CRPPA: variants seen among roughly 807,000 people sequenced by gnomAD.
CRPPA encodes the protein CDP-L-ribitol pyrophosphorylase A.
In CRPPA, 43 loss-of-function variants were observed where a neutral mutation model predicts 52.0. That is an observed-to-expected ratio of 0.83 (90% CI 0.65 to 1.07). The LOEUF (loss-of-function observed/expected upper bound fraction) is 1.07. Among genes scored for constraint, CRPPA ranks in the 50% least tolerant of loss-of-function variants. CRPPA has a pLI of 0.00. For synonymous variants in CRPPA, 250 were observed against 203.5 expected (o/e 1.23, Z -1.94); for missense variants, 629 against 551.7 (o/e 1.14, Z -1.40).
intron 9 of CRPPA, among the ~76,000 whole-genome samples, chr7:16,165,574 A>G (rs1781042169): frequency 6.6e-6 from 1 of 152,252 alleles, no homozygotes; most frequent in South Asian, 2.1e-4. Context: ...ACCACACATG[A>G]GGAGAAGTCA....
At position 16,091,663 on chromosome 7, in the gene CRPPA, T is replaced by A; in HGVS notation, c.*32A>T. ...AGCACAATTAAGATACGCAAATAGA[T>A]GTTTTAGAAAATAGGTAATTTTTTG... On this transcript the variant is annotated 3_prime_UTR_variant, in exon 10 of 10. Transcript: ENST00000407010. 8.2e-7 allele frequency: 1 copy of A among 1,213,370 alleles called. No homozygotes were observed. The highest frequency in any genetic ancestry group is 1.3e-5 in the South Asian group (1 of 74,552). The allele number at this position is 1,213,370 out of a possible 1,614,324, so 75.2% of individuals were successfully genotyped here. A position where few individuals can be genotyped will look rare whatever the true frequency, so the allele number is the denominator to read the frequency against.
rs1335227895 is a variant in CRPPA, at chr7:16,188,041, A to C, written c.1251+28025T>G. Among the ~76,000 whole-genome samples the C allele has an allele frequency of 2.4e-5, 3 of 126,726 alleles. No individual in the cohort carries two copies. In the Admixed American group the frequency reaches 3.1e-4, roughly 13 times the overall value. 83.1% of individuals were successfully genotyped at this position (126,726 alleles called of 152,430 possible). On this transcript the variant is annotated intron_variant, in intron 9 of 9. Coordinates refer to ENST00000407010, the MANE Select transcript of CRPPA (RefSeq NM_001101426.4). ...AGGACAGTTTGTATGAATTTGGGTG[A>C]ATTTTTTTTTTTTTTTTTTTTTTGA...
At chr7:16,379,602 T>G (rs941084703) in intron 2 of CRPPA, among the ~76,000 whole-genome samples, 12 of 152,238 alleles carry the variant, frequency 7.9e-5, no homozygotes, top group African/African-American at 2.9e-4. Context: ...TTTCACAATA[T>G]TGATTCCTCC....
chr7:16,332,061 A>C (rs1329761772), intron 3 of CRPPA, among the ~76,000 whole-genome samples: 1 of 152,162 alleles, frequency 6.6e-6, no homozygotes. Flanking sequence ...GAAAATCAGA[A>C]AGAAGCCAGG....
At chr7:16,361,481 G>C (rs1786440740) in intron 3 of CRPPA, among the ~76,000 whole-genome samples, 1 of 152,166 alleles carries the variant, frequency 6.6e-6, no homozygotes, top group Non-Finnish European at 1.5e-5. Flanking sequence ...TAACAGATGA[G>C]TGGATAAACA....
chr7:16,370,275 T>G (rs1786714651), intron 3 of CRPPA, among the ~76,000 whole-genome samples: 1 of 152,096 alleles, frequency 6.6e-6, no homozygotes, highest in Non-Finnish European at 1.5e-5. Context: ...AGGATCTGGG[T>G]GCCCAGCCTT....
intron 8 of CRPPA, among the ~76,000 whole-genome samples, chr7:16,254,789 GAAGGAAAGAAA>G (rs1783573617): frequency 2.7e-4 from 32 of 119,504 alleles, no homozygotes; most frequent in South Asian, 8.5e-4. Context: ...AAGAAAGAAA[GAAGGAAAGAAA>G]GAAAGAAAGA....
intron 2 of CRPPA, among the ~76,000 whole-genome samples, chr7:16,386,948 A>G (rs1787284961): frequency 1.3e-5 from 2 of 151,452 alleles, no homozygotes; most frequent in Non-Finnish European, 1.5e-5. Context: ...TGAACCCAGG[A>G]AGCAGAGGTT....
chr7:16,197,866 C>T (rs931850932), intron 9 of CRPPA, among the ~76,000 whole-genome samples: 2 of 150,110 alleles, frequency 1.3e-5, no homozygotes, highest in African/African-American at 4.9e-5. Context: ...CAACCCCGTG[C>T]TCTCTGAAAT....
intron 3 of CRPPA, among the ~76,000 whole-genome samples, chr7:16,362,256 C>A (rs914527341): frequency 6.6e-6 from 1 of 152,208 alleles, no homozygotes. Context: ...ATTCTCACAG[C>A]GTGGAGGCTG....
intron 9 of CRPPA, among the ~76,000 whole-genome samples, chr7:16,180,279 T>G (rs950807852): frequency 6.6e-6 from 1 of 152,054 alleles, no homozygotes; most frequent in African/African-American, 2.4e-5. Flanking sequence ...TTGGTAATGC[T>G]AATATACAGA....
chr7:16,299,901 G>A (rs748429511), intron 5 of CRPPA, among the ~76,000 whole-genome samples: 13 of 151,912 alleles, frequency 8.6e-5, no homozygotes, highest in Non-Finnish European at 1.6e-4. Flanking sequence ...TTCCTCAGTC[G>A]AACTACCAAT....
intron 3 of CRPPA, among the ~76,000 whole-genome samples, chr7:16,319,613 AG>A (rs1785214786): frequency 6.6e-6 from 1 of 152,168 alleles, no homozygotes; most frequent in Non-Finnish European, 1.5e-5. Context: ...TACACTGGAC[AG>A]ACTGCCCAAA....
intron 4 of CRPPA, among the ~76,000 whole-genome samples, chr7:16,301,724 ATTATAC>A (rs1784791925): frequency 6.6e-6 from 1 of 152,236 alleles, no homozygotes; most frequent in African/African-American, 2.4e-5. Context: ...TAACTCAAGT[ATTATAC>A]TTAAAGAAAA....
At chr7:16,286,044 A>AAAAAAAAAT (rs1784429583) in intron 5 of CRPPA, among the ~76,000 whole-genome samples, 3 of 12,544 alleles carry the variant, frequency 2.4e-4, no homozygotes, top group African/African-American at 1.6e-3. Flanking sequence ...AAAAAATATA[A>AAAAAAAAAT]ATATATATAT....
At chr7:16,340,220 G>T (rs1404799268) in intron 3 of CRPPA, among the ~76,000 whole-genome samples, 2 of 151,958 alleles carry the variant, frequency 1.3e-5, no homozygotes, top group Non-Finnish European at 2.9e-5. Flanking sequence ...AAACCCTAAA[G>T]GAATGATACA....
intron 9 of CRPPA, among the ~76,000 whole-genome samples, chr7:16,166,197 G>A (rs976934096): frequency 6.6e-6 from 1 of 152,076 alleles, no homozygotes; most frequent in African/African-American, 2.4e-5. Context: ...TGATGTAGCT[G>A]ATAAATATTT....
At chr7:16,416,364 T>C (rs984146465) in intron 1 of CRPPA, among the ~76,000 whole-genome samples, 2 of 152,082 alleles carry the variant, frequency 1.3e-5, no homozygotes, top group Non-Finnish European at 2.9e-5. Context: ...ACACAAAAAT[T>C]AACTCAAGAT....
intron 9 of CRPPA, among the ~76,000 whole-genome samples, chr7:16,138,553 G>GA (rs1356591930): frequency 6.6e-6 from 1 of 152,028 alleles, no homozygotes; most frequent in Non-Finnish European, 1.5e-5. Flanking sequence ...AATTAGAAGT[G>GA]AGCTTGTTGT....
Sources: gnomAD v4.1 joint callset for allele counts (sites outside exome capture counted in the v4.1 genomes callset) on GRCh38, gnomAD v4.1.1 for gene constraint, MANE v1.5 for transcripts, NCBI Gene and HGNC (gene_info 2026-07-23, HGNC 2026-07-21) for gene names.